DPP6: variants seen among roughly 807,000 people sequenced by gnomAD.
DPP6 encodes the protein dipeptidyl peptidase like 6, also known as A-type potassium channel modulatory protein DPP6.
Under a neutral mutation model 122.6 loss-of-function variants are expected in DPP6, and 69 were observed. That is an observed-to-expected ratio of 0.56 (90% CI 0.46 to 0.69). The LOEUF is 0.69. Ranked by LOEUF, DPP6 falls within the 30% of genes least tolerant of loss-of-function variation. The pLI, the probability that DPP6 is intolerant of heterozygous loss-of-function variation, is 0.00. For missense variants in DPP6, 928 were observed against 1,116.9 expected (o/e 0.83, Z 2.41); for synonymous variants, 418 against 433.1 (o/e 0.97, Z 0.43).
chr7:154,108,432 C>T (rs1210863248), intron 1 of DPP6, among the ~76,000 whole-genome samples: 1 of 152,188 alleles, frequency 6.6e-6, no homozygotes, highest in Non-Finnish European at 1.5e-5. Context: ...GGATCATCTG[C>T]TGGTTGCAAG....
chr7:154,284,876 A>AAACAT (rs1804752807), intron 1 of DPP6, among the ~76,000 whole-genome samples: 1 of 152,160 alleles, frequency 6.6e-6, no homozygotes, highest in South Asian at 2.1e-4. Context: ...AAACAAAACA[A>AAACAT]AAACATTATG....
At chr7:154,766,944 G>T (rs1436182944) in intron 8 of DPP6, among the ~76,000 whole-genome samples, 1 of 152,144 alleles carries the variant, frequency 6.6e-6, no homozygotes, top group African/African-American at 2.4e-5. Flanking sequence ...TGGAACCTAC[G>T]GGGTAGGAAT....
intron 1 of DPP6, among the ~76,000 whole-genome samples, chr7:154,199,757 ACAC>A (rs1373262783): frequency 6.6e-6 from 1 of 151,972 alleles, no homozygotes; most frequent in Non-Finnish European, 1.5e-5. Flanking sequence ...TTACAGGCAC[ACAC>A]CACCATGCCC....
intron 1 of DPP6, among the ~76,000 whole-genome samples, chr7:154,063,987 C>A (rs895894774): frequency 4.0e-5 from 6 of 151,844 alleles, no homozygotes; most frequent in Non-Finnish European, 7.4e-5. Context: ...AAACGCAAAG[C>A]CCAGGAAGAG....
intron 10 of DPP6, among the ~76,000 whole-genome samples, chr7:154,785,141 G>C (rs1797263975): frequency 6.6e-6 from 1 of 152,104 alleles, no homozygotes; most frequent in Admixed American, 6.5e-5. Flanking sequence ...TTGTTGTTAA[G>C]TTTTATTTAG....
At chr7:153,881,954 G>A in the DPP6 span, among the ~76,000 whole-genome samples, 2 of 152,072 alleles carry the variant, frequency 1.3e-5, no homozygotes, top group Admixed American at 6.6e-5. Context: ...TGTCCATATT[G>A]TTAATTTGCA....
chr7:154,231,482 A>G (rs923480999), intron 1 of DPP6, among the ~76,000 whole-genome samples: 2 of 152,210 alleles, frequency 1.3e-5, no homozygotes, highest in Non-Finnish European at 2.9e-5. Flanking sequence ...TCAGGATAAC[A>G]TCGGGCATGA....
At chr7:154,868,904 G>A (rs1434538418) in intron 18 of DPP6, among the ~76,000 whole-genome samples, 3 of 152,186 alleles carry the variant, frequency 2.0e-5, no homozygotes, top group African/African-American at 4.8e-5. Context: ...CAGCCTTTTG[G>A]TGGTAAGTTG....
At chr7:154,006,017 T>C (rs1797900161) in intron 1 of DPP6, among the ~76,000 whole-genome samples, 1 of 152,186 alleles carries the variant, frequency 6.6e-6, no homozygotes, top group Middle Eastern at 3.4e-3. Context: ...GGTGAGGCTG[T>C]TGCTGGATTG....
At chr7:154,341,426 G>A (rs572749619) in intron 1 of DPP6, among the ~76,000 whole-genome samples, 2 of 152,062 alleles carry the variant, frequency 1.3e-5, no homozygotes, top group East Asian at 1.9e-4. Flanking sequence ...ATCTACAATC[G>A]CATGTGCCTT....
the DPP6 span, among the ~76,000 whole-genome samples, chr7:153,812,222 A>G: frequency 6.6e-6 from 1 of 152,134 alleles, no homozygotes; most frequent in Admixed American, 6.6e-5. Flanking sequence ...GTGCATTTCC[A>G]GCCAGGTCGA....
At chr7:154,214,934 CT>C (rs1271045783) in intron 1 of DPP6, among the ~76,000 whole-genome samples, 2 of 151,946 alleles carry the variant, frequency 1.3e-5, no homozygotes, top group Non-Finnish European at 2.9e-5. Flanking sequence ...AAATATGTGT[CT>C]TGCAGTGTTG....
At chr7:154,215,377 G>T (rs1799943561) in intron 1 of DPP6, among the ~76,000 whole-genome samples, 1 of 152,162 alleles carries the variant, frequency 6.6e-6, no homozygotes, top group African/African-American at 2.4e-5. Context: ...TGAGATTTGG[G>T]TGGGGACACA....
At chr7:154,664,649 G>T (rs1046963279) in intron 6 of DPP6, among the ~76,000 whole-genome samples, 14 of 149,080 alleles carry the variant, frequency 9.4e-5, no homozygotes, top group Non-Finnish European at 5.9e-5. Context: ...TGCTCCATAT[G>T]GAATTCTTTT....
chr7:154,144,261 T>G (rs1427317163), intron 1 of DPP6, among the ~76,000 whole-genome samples: 4 of 151,902 alleles, frequency 2.6e-5, no homozygotes, highest in South Asian at 4.2e-4. Context: ...TATTCATTAA[T>G]TCACTCATTT....
intron 1 of DPP6, among the ~76,000 whole-genome samples, chr7:154,398,739 G>A (rs1256086929): frequency 6.6e-6 from 1 of 152,126 alleles, no homozygotes; most frequent in Non-Finnish European, 1.5e-5. Context: ...CCAGACTCTG[G>A]TGTCTCAGAG....
intron 5 of DPP6, among the ~76,000 whole-genome samples, chr7:154,627,290 G>A (rs925560412): frequency 1.3e-5 from 2 of 148,696 alleles, no homozygotes; most frequent in African/African-American, 2.5e-5. Flanking sequence ...CTGCCTCCCG[G>A]GTTTTCGCCA....
chr7:153,843,515 G>A, the DPP6 span, among the ~76,000 whole-genome samples: 1 of 152,166 alleles, frequency 6.6e-6, no homozygotes. Context: ...GGTCCGGGGG[G>A]TCACCACCTC....
chr7:154,575,502 GGT>G lies in DPP6; in HGVS notation c.627+8596_627+8597del, dbSNP rs1167008841. Among the ~76,000 whole-genome samples the G allele has an allele frequency of 5.0e-3, 645 of 130,204 alleles. 4 individuals are homozygous for G. Among genetic ancestry groups the G allele is most frequent in the Non-Finnish European group, 7.1e-3 (430 of 60,734 alleles). 85.4% of individuals were successfully genotyped at this position (130,204 alleles called of 152,430 possible). On this transcript the variant is annotated intron_variant, in intron 5 of 25. Coordinates refer to ENST00000377770, the MANE Select transcript of DPP6 (RefSeq NM_130797.4). ...GTGTGTGTGTGGTGTGTGTTTGTGT[GGT>G]GTGTGTGTGGTGTGTGTATGTGCGT... is the stretch of plus-strand genomic sequence containing the variant.
Sources: gnomAD v4.1 joint callset for allele counts (sites outside exome capture counted in the v4.1 genomes callset) on GRCh38, gnomAD v4.1.1 for gene constraint, MANE v1.5 for transcripts, NCBI Gene and HGNC (gene_info 2026-07-23, HGNC 2026-07-21) for gene names.